The following RDX variants were observed in gnomAD, a reference collection of about 807,000 sequenced individuals.
RDX encodes the protein radixin, also known as deafness, autosomal recessive 24.
RDX carries 32 observed loss-of-function variants against 83.7 expected under a neutral mutation model. That is an observed-to-expected ratio of 0.38 (90% CI 0.29 to 0.51). The LOEUF is 0.51. Among genes scored for constraint, RDX ranks in the 20% least tolerant of loss-of-function variants. RDX has a pLI of 0.87. For missense variants in RDX, 600 were observed against 689.9 expected (o/e 0.87, Z 1.46); for synonymous variants, 229 against 222.7 (o/e 1.03, Z -0.25).
At chr11:110,293,295 G>A (rs1042816376) in intron 1 of RDX, among the ~76,000 whole-genome samples, 3 of 152,166 alleles carry the variant, frequency 2.0e-5, no homozygotes, top group African/African-American at 7.2e-5. Context: ...AAGGGGCTGG[G>A]GTGTTCCAGG....
chr11:110,217,225 T>C (rs1281567538), intron 14 of RDX, among the ~76,000 whole-genome samples: 2 of 152,198 alleles, frequency 1.3e-5, no homozygotes, highest in Non-Finnish European at 2.9e-5. Context: ...CCTTATTTCA[T>C]AGTTGTAAGT....
Position 110,230,261 on chromosome 11 carries a change from GAA to G in RDX, c.*1606_*1607del, listed in dbSNP as rs1864571153. ...ATGGAAAGTAGCTGAACCACACAGA[GAA>G]AACAAGGCTTTACGTATCTCCAAAT... is the stretch of plus-strand genomic sequence containing the variant. On this transcript the variant is annotated 3_prime_UTR_variant, in exon 14 of 14. Coordinates refer to ENST00000645495, the MANE Select transcript of RDX (RefSeq NM_002906.4). 6.6e-6 allele frequency: 1 copy of G among 151,984 alleles called. No individual in the cohort carries two copies. Among genetic ancestry groups the G allele is most frequent in the South Asian group, 2.1e-4 (1 of 4,816 alleles). The allele number at this position is 151,984 out of a possible 1,614,324, so 9.4% of individuals were successfully genotyped here. A position where few individuals can be genotyped will look rare whatever the true frequency, so the allele number is the denominator to read the frequency against.
intron 14 of RDX, among the ~76,000 whole-genome samples, chr11:110,202,595 C>CT (rs58793509): frequency 0.02 from 2,485 of 121,274 alleles, 41 homozygotes; most frequent in African/African-American, 0.054. Context: ...ATTTTTCTTT[C>CT]TTTTTTTTTT....
At chr11:110,261,115 T>C (rs1035209416) in intron 5 of RDX, among the ~76,000 whole-genome samples, 1 of 152,240 alleles carries the variant, frequency 6.6e-6, no homozygotes, top group African/African-American at 2.4e-5. Context: ...ACTGTATCTA[T>C]AGTCCAAGAC....
intron 14 of RDX, among the ~76,000 whole-genome samples, chr11:110,223,690 AG>A (rs1174963817): frequency 6.6e-6 from 1 of 152,214 alleles, no homozygotes; most frequent in Non-Finnish European, 1.5e-5. Flanking sequence ...AAAGTAAGAA[AG>A]AAAAAAAAAT....
intron 14 of RDX, among the ~76,000 whole-genome samples, chr11:110,220,254 A>C (rs529742585): frequency 2.6e-5 from 4 of 152,340 alleles, no homozygotes; most frequent in African/African-American, 7.2e-5. Context: ...AAAGGATGAA[A>C]ACTAAAATGA....
chr11:110,246,998 G>C (rs958036210), intron 10 of RDX, among the ~76,000 whole-genome samples: 1 of 152,088 alleles, frequency 6.6e-6, no homozygotes, highest in Admixed American at 6.5e-5. Context: ...TGCTTAGAGA[G>C]GAGAAAAACA....
chr11:110,294,224 G>A (rs984379177), intron 1 of RDX, among the ~76,000 whole-genome samples: 1 of 152,136 alleles, frequency 6.6e-6, no homozygotes, highest in Non-Finnish European at 1.5e-5. Flanking sequence ...GCAAAACCCC[G>A]TCTCTACTAA....
At position 110,241,589 on chromosome 11, in the gene RDX, A is replaced by G. The variant is rs796837527; in HGVS notation, c.1091-3937T>C. 9.9e-5 allele frequency among the ~76,000 whole-genome samples: 15 copies of G among 152,244 alleles called. 1 individual carries two copies. Among genetic ancestry groups the G allele is most frequent in the African/African-American group, 3.4e-4 (14 of 41,564 alleles). On this transcript the variant is annotated intron_variant, in intron 10 of 13. Coordinates refer to ENST00000645495, the MANE Select transcript of RDX (RefSeq NM_002906.4). ...TGGGATTACAGGTGTGAGCTATTGC[A>G]CCCAGCCTCAAACTTTAATAATTAA... is the stretch of plus-strand genomic sequence containing the variant.
At chr11:110,182,025 C>A (rs1458824619) in intron 15 of RDX, among the ~76,000 whole-genome samples, 1 of 152,210 alleles carries the variant, frequency 6.6e-6, no homozygotes, top group Non-Finnish European at 1.5e-5. Context: ...TCTCCCATGC[C>A]TACTGTGCTC....
At chr11:110,258,566 C>T (rs1285144160) in intron 5 of RDX, among the ~76,000 whole-genome samples, 3 of 152,062 alleles carry the variant, frequency 2.0e-5, no homozygotes, top group African/African-American at 4.8e-5. Flanking sequence ...TGAAATAATA[C>T]TTGCTCCATA....
intron 14 of RDX, among the ~76,000 whole-genome samples, chr11:110,216,318 T>C (rs1178610713): frequency 6.6e-6 from 1 of 152,100 alleles, no homozygotes; most frequent in African/African-American, 2.4e-5. Flanking sequence ...TAAATTGGTG[T>C]CCAGTGGGCT....
chr11:110,187,355 G>C (rs1388124730), intron 15 of RDX, among the ~76,000 whole-genome samples: 1 of 152,150 alleles, frequency 6.6e-6, no homozygotes, highest in Non-Finnish European at 1.5e-5. Flanking sequence ...CATCCTTCCT[G>C]TATGGAGTTT....
At chr11:110,272,690 C>A in intron 2 of RDX, 71 bp from the exon 3 acceptor site, 1 of 1,030,136 alleles carries the variant, frequency 9.7e-7, no homozygotes, top group Non-Finnish European at 1.5e-6. Context: ...TTATGATTTT[C>A]TTTATTAAAG....
At chr11:110,218,586 C>A (rs895730745) in intron 14 of RDX, among the ~76,000 whole-genome samples, 1 of 152,204 alleles carries the variant, frequency 6.6e-6, no homozygotes, top group African/African-American at 2.4e-5. Context: ...CAGGCACACC[C>A]AAACCTGCCC....
chr11:110,197,434 C>G (rs1390686447), intron 15 of RDX, among the ~76,000 whole-genome samples: 1 of 152,192 alleles, frequency 6.6e-6, no homozygotes, highest in Non-Finnish European at 1.5e-5. Context: ...ACACCTCAAG[C>G]TGGAGGATGT....
chr11:110,272,399 T>C, intron 3 of RDX, 137 bp downstream of exon 3: 2 of 697,206 alleles, frequency 2.9e-6, no homozygotes, highest in Admixed American at 2.0e-5. Flanking sequence ...AGTAGGGATA[T>C]CTGAATAGCT....
Position 110,258,251 on chromosome 11 carries a change from AAAAGT to A in RDX, c.468-67_468-63del, listed in dbSNP as rs1452985070. On this transcript the variant is annotated intron_variant, in intron 5 of 13. Coordinates refer to ENST00000645495, the MANE Select transcript of RDX (RefSeq NM_002906.4). Reference sequence around the variant, plus strand: ...TTTAAGATTCAAAAGCATACACTTTAAAAGTAAAGAATCCTTTCAGTAACTTGACT... The same window carrying A: ...TTTAAGATTCAAAAGCATACACTTTAAAAGAATCCTTTCAGTAACTTGACT... 10 of 1,081,016 alleles carry A rather than the reference AAAAGT, an allele frequency of 9.3e-6. No homozygotes were observed. The African/African-American group carries it at 9.6e-5, about 10-fold the overall frequency. The allele number at this position is 1,081,016 out of a possible 1,614,324, so 67.0% of individuals were successfully genotyped here.
Position 110,233,557 on chromosome 11 carries a change from T to C in RDX, c.1345-78A>G, listed in dbSNP as rs1864726771. On this transcript the variant is annotated intron_variant, in intron 12 of 13. Transcript: ENST00000645495. ...AAACAATCAAGTTATACTCCCTTTT[T>C]AATAGAAACTGTATTTCAAGGTAAT... The C allele has an allele frequency of 7.6e-6, 11 of 1,441,658 alleles. No homozygotes were observed. The South Asian group carries it at 9.5e-5, about 12-fold the overall frequency. The allele number at this position is 1,441,658 out of a possible 1,614,324, so 89.3% of individuals were successfully genotyped here.
Sources: gnomAD v4.1 joint callset for allele counts (sites outside exome capture counted in the v4.1 genomes callset) on GRCh38, gnomAD v4.1.1 for gene constraint, MANE v1.5 for transcripts, NCBI Gene and HGNC (gene_info 2026-07-23, HGNC 2026-07-21) for gene names.